The following CDH13 variants were observed in gnomAD, a reference collection of about 807,000 sequenced individuals.
The protein encoded by CDH13 is cadherin-13.
CDH13 carries 24 observed loss-of-function variants against 63.8 expected under a neutral mutation model. That is an observed-to-expected ratio of 0.38 (90% confidence interval 0.27 to 0.53). CDH13 has a LOEUF of 0.53. CDH13 is among the 20% of genes least tolerant of loss of function. The pLI is 0.85. For missense variants in CDH13, 1,049 were observed against 903.1 expected (o/e 1.16, Z -2.07); for synonymous variants, 503 against 355.3 (o/e 1.42, Z -4.67).
At chr16:83,169,252 C>T (rs1172776500) in intron 4 of CDH13, among the ~76,000 whole-genome samples, 1 of 151,750 alleles carries the variant, frequency 6.6e-6, no homozygotes, top group African/African-American at 2.4e-5. Context: ...TCTTGGCTCA[C>T]TGCAACCTCC....
At chr16:83,472,557 G>A (rs925523184) in intron 6 of CDH13, among the ~76,000 whole-genome samples, 8 of 152,194 alleles carry the variant, frequency 5.3e-5, no homozygotes, top group Admixed American at 2.0e-4. Context: ...ATCCGAGGGA[G>A]CATCTAGTGC....
intron 8 of CDH13, among the ~76,000 whole-genome samples, chr16:83,610,809 C>T (rs375867916): frequency 6.6e-6 from 1 of 152,108 alleles, no homozygotes; most frequent in South Asian, 2.1e-4. Flanking sequence ...ATATTTGAAG[C>T]TTATATGTGT....
intron 7 of CDH13, among the ~76,000 whole-genome samples, chr16:83,526,995 G>A (rs1170861488): frequency 1.3e-5 from 2 of 152,034 alleles, no homozygotes; most frequent in Non-Finnish European, 2.9e-5. Context: ...AGGCAGGCGT[G>A]GTGGTGCGCA....
chr16:83,113,597 G>C (rs1334080268), intron 3 of CDH13, among the ~76,000 whole-genome samples: 1 of 152,196 alleles, frequency 6.6e-6, no homozygotes, highest in Non-Finnish European at 1.5e-5. Flanking sequence ...CTGAATGAAC[G>C]TGTGATCAGA....
At chr16:83,569,205 C>T (rs145120737) in intron 7 of CDH13, among the ~76,000 whole-genome samples, 2 of 152,136 alleles carry the variant, frequency 1.3e-5, no homozygotes, top group African/African-American at 4.8e-5. Flanking sequence ...CCTCGTCCAC[C>T]TGGGAGACTC....
intron 5 of CDH13, among the ~76,000 whole-genome samples, chr16:83,274,868 G>A (rs1048448734): frequency 2.0e-5 from 3 of 152,112 alleles, no homozygotes; most frequent in Non-Finnish European, 4.4e-5. Context: ...ATAAGAGTTT[G>A]GGGACTTCCT....
At chr16:83,061,131 T>C (rs139219276) in intron 3 of CDH13, among the ~76,000 whole-genome samples, 101 of 152,312 alleles carry the variant, frequency 6.6e-4, no homozygotes, top group African/African-American at 2.3e-3. Flanking sequence ...ACCACAGTCT[T>C]TCCCAAAGTT....
At position 82,793,784 on chromosome 16, in the gene CDH13, A is replaced by G. The variant is rs568689387; in HGVS notation, c.46-64578A>G. Reference sequence around the variant, plus strand: ...GAATGAGGTGAATGGCCTCAGAGGAAAACAGATTAGAAGGCTTAGAGATGA... The same window carrying G: ...GAATGAGGTGAATGGCCTCAGAGGAGAACAGATTAGAAGGCTTAGAGATGA... On this transcript the variant is annotated intron_variant, in intron 1 of 13. Coordinates refer to ENST00000567109, the MANE Select transcript of CDH13 (RefSeq NM_001257.5). Among the ~76,000 whole-genome samples the G allele has an allele frequency of 6.5e-4, 99 of 152,292 alleles. No homozygotes were observed. The Middle Eastern group carries it at 0.017, about 26-fold the overall frequency.
chr16:82,645,377 G>T (rs1909969378), intron 1 of CDH13, among the ~76,000 whole-genome samples: 1 of 152,188 alleles, frequency 6.6e-6, no homozygotes, highest in Admixed American at 6.5e-5. Flanking sequence ...CGTGGTGCTT[G>T]TTTCTGAAGT....
At chr16:82,739,543 T>G (rs2033839671) in intron 1 of CDH13, among the ~76,000 whole-genome samples, 1 of 152,214 alleles carries the variant, frequency 6.6e-6, no homozygotes, top group Non-Finnish European at 1.5e-5. Context: ...CTCTCCCTGT[T>G]TAAGCAATGA....
intron 6 of CDH13, among the ~76,000 whole-genome samples, chr16:83,412,691 A>G (rs1049837503): frequency 7.2e-5 from 11 of 152,166 alleles, no homozygotes; most frequent in Non-Finnish European, 1.2e-4. Context: ...GAATGTATGC[A>G]CTACTCAAAA....
rs766559854 is a variant in CDH13 at position 83,344,916 on chromosome 16, C to G, written c.691C>G (p.Leu231Val). ...NGKTLEGPVP[L>V]EVIVIDQNDN... ...CAAAACTCTCGAGGGGCCGGTGCCT[C>G]TGGAAGTCATTGTGATTGATCAGAA... Residue 231 changes from leucine to valine, a missense_variant, in exon 6 of 14, where the codon CTG becomes GTG. Physicochemically the swap from Leu to Val is conservative, Grantham distance 32 (BLOSUM62 1). Coordinates refer to ENST00000567109, the MANE Select transcript of CDH13 (RefSeq NM_001257.5). 2 of 1,614,014 alleles carry G rather than the reference C, an allele frequency of 1.2e-6. No individual in the cohort carries two copies. The highest frequency in any genetic ancestry group is 1.1e-5 in the South Asian group (1 of 91,082).
At position 82,917,436 on chromosome 16, in the gene CDH13, A is replaced by T. The variant is rs113242286; in HGVS notation, c.157+58963A>T. Among the ~76,000 whole-genome samples the T allele has an allele frequency of 2.2e-3, 339 of 152,282 alleles. 1 individual carries two copies. Among genetic ancestry groups the T allele is most frequent in the African/African-American group, 7.8e-3 (324 of 41,554 alleles). On this transcript the variant is annotated intron_variant, in intron 2 of 13. Coordinates refer to ENST00000567109, the MANE Select transcript of CDH13 (RefSeq NM_001257.5). ...AAAGAAAGAAAGATTCTTCACAGGG[A>T]AGTCCTGGCTATCTAACTGTGAAAA...
intron 2 of CDH13, among the ~76,000 whole-genome samples, chr16:82,988,581 G>A (rs1345524900): frequency 6.6e-6 from 1 of 152,014 alleles, no homozygotes; most frequent in East Asian, 1.9e-4. Context: ...GGCCAACATG[G>A]TGAAACCCCG....
At chr16:83,053,282 A>T (rs957856970) in intron 3 of CDH13, among the ~76,000 whole-genome samples, 1 of 152,204 alleles carries the variant, frequency 6.6e-6, no homozygotes, top group Non-Finnish European at 1.5e-5. Flanking sequence ...AAAAGGTATC[A>T]TAACCTTAAT....
chr16:83,298,728 A>G (rs1231872373), intron 5 of CDH13, among the ~76,000 whole-genome samples: 3 of 152,202 alleles, frequency 2.0e-5, no homozygotes, highest in Non-Finnish European at 4.4e-5. Flanking sequence ...TGAGAGGCTC[A>G]GATGGCCCCA....
chr16:83,511,803 T>G (rs1260990897), intron 7 of CDH13, among the ~76,000 whole-genome samples: 1 of 152,070 alleles, frequency 6.6e-6, no homozygotes, highest in Non-Finnish European at 1.5e-5. Context: ...ATCTGAATGT[T>G]TAATGAGAAA....
At chr16:82,817,462 C>T (rs575775277) in intron 1 of CDH13, among the ~76,000 whole-genome samples, 1 of 152,148 alleles carries the variant, frequency 6.6e-6, no homozygotes, top group Admixed American at 6.5e-5. Flanking sequence ...AAAATACTCT[C>T]ATACACACAG....
At chr16:82,730,559 G>C (rs2033348119) in intron 1 of CDH13, among the ~76,000 whole-genome samples, 1 of 152,206 alleles carries the variant, frequency 6.6e-6, no homozygotes, top group Non-Finnish European at 1.5e-5. Flanking sequence ...ACTGATCACA[G>C]ATCACCATGA....
Sources: gnomAD v4.1 joint callset for allele counts (sites outside exome capture counted in the v4.1 genomes callset) on GRCh38, gnomAD v4.1.1 for gene constraint, MANE v1.5 for transcripts, NCBI Gene and HGNC (gene_info 2026-07-23, HGNC 2026-07-21) for gene names.